PDK3: variants seen among roughly 807,000 people sequenced by gnomAD.
PDK3 encodes the protein pyruvate dehydrogenase kinase, isozyme 3.
Under a neutral mutation model 32.0 loss-of-function variants are expected in PDK3, and 12 were observed. The ratio of observed to expected loss-of-function variants is 0.37; its 90% CI spans 0.24 to 0.61. The LOEUF (loss-of-function observed/expected upper bound fraction) is 0.61. Ranked by LOEUF, PDK3 falls within the 20% of genes least tolerant of loss-of-function variation. The pLI is 0.65. For synonymous variants in PDK3, 122 were observed against 116.3 expected (o/e 1.05, Z -0.31); for missense variants, 188 against 316.9 (o/e 0.59, Z 3.09).
At chrX:24,541,423 GAATATGGAT>G (rs1443392738) in exon 12 of PDK3, among the ~76,000 whole-genome samples, 1 of 111,188 alleles carries the variant, frequency 9.0e-6, no homozygotes. Context: ...GTAAGGGGCC[GAATATGGAT>G]AATATGGTGT....
chrX:24,498,718 A>C (rs1238802693), intron 2 of PDK3, 111 bp from the exon 3 acceptor site: 1 of 416,966 alleles, frequency 2.4e-6, no homozygotes, highest in East Asian at 4.4e-5. Flanking sequence ...GATGGGATGG[A>C]GACCTGAGTG....
At chrX:24,528,596 C>T (rs5986582) in intron 9 of PDK3, among the ~76,000 whole-genome samples, 4,466 of 112,316 alleles carry the variant, frequency 0.04, 128 homozygotes, top group South Asian at 0.29. Flanking sequence ...CACAGAGGCG[C>T]GAATCACCTA....
downstream of PDK3, chrX:24,539,166 G>A: frequency 9.0e-7 from 1 of 1,109,689 alleles, no homozygotes; most frequent in South Asian, 2.0e-5. Flanking sequence ...ACTTTCTAGA[G>A]GACTGAATGC....
At chrX:24,505,115 T>C (rs1921948839) in intron 4 of PDK3, 94 bp from the exon 5 acceptor site, 1 of 542,363 alleles carries the variant, frequency 1.8e-6, no homozygotes, top group Non-Finnish European at 3.0e-6. Flanking sequence ...ACACATAAGA[T>C]ATCCTTTCTA....
chrX:24,496,844 G>A (rs1602111210), intron 2 of PDK3, among the ~76,000 whole-genome samples: 1 of 94,436 alleles, frequency 1.1e-5, no homozygotes, highest in East Asian at 3.3e-4. Context: ...TGCAGTGGCG[G>A]GATCTCAGCT....
At chrX:24,508,747 C>T (rs1922046339) in intron 5 of PDK3, among the ~76,000 whole-genome samples, 1 of 111,064 alleles carries the variant, frequency 9.0e-6, no homozygotes, top group Non-Finnish European at 1.9e-5. Context: ...GAGTCTCGCT[C>T]TGTCGTCCAG....
chrX:24,550,423 C>T (rs1923077074), exon 12 of PDK3: 1 of 112,068 alleles, frequency 8.9e-6, no homozygotes, highest in Non-Finnish European at 1.9e-5. Flanking sequence ...ATGGACAATT[C>T]TGTACCCCAA....
chrX:24,491,494 A>G (rs919616820), intron 1 of PDK3, among the ~76,000 whole-genome samples: 1 of 110,037 alleles, frequency 9.1e-6, no homozygotes, highest in African/African-American at 3.3e-5. Flanking sequence ...GGAAAAATCC[A>G]GGTTGGAGGG....
rs1267325664 is a variant in PDK3 at position 24,503,489 on chromosome X, C to T, written c.483C>T (p.Phe161=). The T allele has an allele frequency of 8.4e-7, 1 of 1,192,225 alleles. No individual in the cohort carries two copies. The highest frequency in any genetic ancestry group is 1.1e-6 in the Non-Finnish European group (1 of 885,712). The part of the protein sequence containing the change: ...LDRFYTNRIS[F]RMLINQHTLL... ...GGTTTTATACCAACCGCATCTCTTT[C>T]CGCATGCTTATTAATCAGCACAGTA... Residue 161 remains phenylalanine (F), a synonymous_variant, in exon 4 of 11, where the codon TTC becomes TTT. Coordinates refer to ENST00000379162, the MANE Select transcript of PDK3 (RefSeq NM_005391.5).
At chrX:24,519,367 T>A (rs943684659) in intron 6 of PDK3, among the ~76,000 whole-genome samples, 2 of 76,587 alleles carry the variant, frequency 2.6e-5, no homozygotes, top group African/African-American at 5.3e-5. Flanking sequence ...GACAAATGCC[T>A]TTTTTTTTTT....
intron 9 of PDK3, among the ~76,000 whole-genome samples, chrX:24,528,704 A>C (rs1049663531): frequency 3.6e-5 from 4 of 112,672 alleles, no homozygotes; most frequent in South Asian, 3.7e-4. Context: ...AGCATGAAAC[A>C]TATAGGTGGT....
intron 5 of PDK3, among the ~76,000 whole-genome samples, chrX:24,518,352 A>C (rs760816393): frequency 4.5e-5 from 5 of 111,638 alleles, no homozygotes; most frequent in Non-Finnish European, 9.4e-5. Flanking sequence ...GCGTGGTGGC[A>C]CACACCTGTA....
In PDK3 at chrX:24,465,361, C is replaced by G; in HGVS notation, c.-95C>G. The G allele has an allele frequency of 1.8e-6, 1 of 569,694 alleles. No individual in the cohort carries two copies. Among genetic ancestry groups the G allele is most frequent in the Non-Finnish European group, 2.6e-6 (1 of 378,532 alleles). The allele number at this position is 569,694 out of a possible 1,213,427, so 46.9% of individuals were successfully genotyped here. On this transcript the variant is annotated 5_prime_UTR_variant, in exon 1 of 11. Transcript: ENST00000379162. ...AGGCCGAGATCGAGGCCGGGGTGCG[C>G]GCTTCGCAAACGTGCCCTATCCGTG...
At chrX:24,498,799 CTTCTTT>C (rs1391859685) in intron 2 of PDK3, 24 bp from the exon 3 acceptor site, 1 of 949,444 alleles carries the variant, frequency 1.1e-6, no homozygotes, top group African/African-American at 2.0e-5. Flanking sequence ...CATAGTAACT[CTTCTTT>C]TTCTTTTTTT....
chrX:24,513,349 C>A (rs1267578467), intron 5 of PDK3: 1 of 111,088 alleles, frequency 9.0e-6, no homozygotes, highest in Non-Finnish European at 1.9e-5. Flanking sequence ...TCCTAAAAGG[C>A]AGCATATCAA....
At chrX:24,541,960 TAATA>T (rs772086241) in exon 12 of PDK3, among the ~76,000 whole-genome samples, 2 of 112,390 alleles carry the variant, frequency 1.8e-5, no homozygotes, top group East Asian at 2.8e-4. Flanking sequence ...TAAACAATGT[TAATA>T]AATAATATTA....
At chrX:24,478,154 T>G (rs904182292) in intron 1 of PDK3, among the ~76,000 whole-genome samples, 5 of 111,736 alleles carry the variant, frequency 4.5e-5, no homozygotes, top group Non-Finnish European at 3.8e-5. Context: ...GCATTGAAAC[T>G]GGCATTGAGG....
exon 12 of PDK3, chrX:24,545,449 T>C (rs1922976969): frequency 8.9e-6 from 1 of 111,814 alleles, no homozygotes; most frequent in Admixed American, 9.5e-5. Context: ...GCTGGGGTTT[T>C]ATTTGGCCTG....
At chrX:24,465,604 C>T (rs1940055903) in intron 1 of PDK3, 43 bp downstream of exon 1, 1 of 974,350 alleles carries the variant, frequency 1.0e-6, no homozygotes, top group Non-Finnish European at 1.4e-6. Flanking sequence ...GGGGCCGCCG[C>T]CATTCGGGCT....
Sources: gnomAD v4.1 joint callset for allele counts (sites outside exome capture counted in the v4.1 genomes callset) on GRCh38, gnomAD v4.1.1 for gene constraint, MANE v1.5 for transcripts, NCBI Gene and HGNC (gene_info 2026-07-23, HGNC 2026-07-21) for gene names.